Variants in KATNBL1 observed in about 807,000 individuals in gnomAD.
The protein encoded by KATNBL1 is KATNB1-like protein 1.
KATNBL1 carries 28 observed loss-of-function variants against 44.7 expected under a neutral mutation model. That is an observed-to-expected ratio of 0.63 (90% CI 0.46 to 0.86). The LOEUF (loss-of-function observed/expected upper bound fraction) is 0.86. KATNBL1 is among the 40% of genes least tolerant of loss of function. The pLI is 0.00. For synonymous variants in KATNBL1, 78 were observed against 114.9 expected, an observed-to-expected ratio of 0.68 and a Z score of 2.06; for missense variants, 272 against 350.7, an observed-to-expected ratio of 0.78 and a Z score of 1.79.
intron 2 of KATNBL1, among the ~76,000 whole-genome samples, chr15:34,160,225 C>T (rs1369549733): frequency 6.6e-6 from 1 of 152,172 alleles, no homozygotes; most frequent in African/African-American, 2.4e-5. Context: ...TTGTACCCTT[C>T]ATATTGCCTG....
At chr15:34,189,438 G>C (rs942617531) in intron 1 of KATNBL1, among the ~76,000 whole-genome samples, 5 of 152,194 alleles carry the variant, frequency 3.3e-5, no homozygotes, top group African/African-American at 1.2e-4. Context: ...AGTCTAATAA[G>C]TCTCTCTTGG....
rs1027694049 is a variant in KATNBL1 at position 34,172,204 on chromosome 15, C to T, written c.-14-8514G>A. On this transcript the variant is annotated intron_variant, in intron 1 of 9. Transcript: ENST00000256544. The stretch of plus-strand genomic sequence containing the variant: ...CCTCTTTCTCATTCCAGTAAAAAAA[C>T]GAGTTTTATTCTCTAGAAAACGTAA... Among the ~76,000 whole-genome samples, 35 of 148,706 alleles carry T rather than the reference C, an allele frequency of 2.4e-4. 1 individual carries two copies. The highest frequency in any genetic ancestry group is 4.3e-4 in the South Asian group (2 of 4,700).
intron 3 of KATNBL1, among the ~76,000 whole-genome samples, chr15:34,154,229 A>T (rs556843511): frequency 3.9e-4 from 59 of 152,348 alleles, no homozygotes; most frequent in African/African-American, 1.3e-3. Context: ...AGTAATTCTG[A>T]CTTCACAAAT....
At chr15:34,207,374 A>G (rs373985426) in intron 1 of KATNBL1, among the ~76,000 whole-genome samples, 1 of 151,874 alleles carries the variant, frequency 6.6e-6, no homozygotes, top group Non-Finnish European at 1.5e-5. Flanking sequence ...ACGCCCAGCT[A>G]ATTTTTTGTA....
At chr15:34,172,998 CA>C (rs1376116457) in intron 1 of KATNBL1, among the ~76,000 whole-genome samples, 1 of 150,998 alleles carries the variant, frequency 6.6e-6, no homozygotes, top group Non-Finnish European at 1.5e-5. Flanking sequence ...AAAAATGGGA[CA>C]AAAAACCCAA....
intron 9 of KATNBL1, chr15:34,142,600 C>G (rs1888181115): frequency 2.4e-6 from 1 of 423,816 alleles, no homozygotes; most frequent in Admixed American, 4.3e-5. Context: ...TGTGTTGGTT[C>G]CTATGCTCAA....
intron 2 of KATNBL1, among the ~76,000 whole-genome samples, chr15:34,155,609 C>T (rs972411941): frequency 5.3e-5 from 8 of 152,070 alleles, no homozygotes; most frequent in African/African-American, 1.4e-4. Context: ...TCATCAGGGG[C>T]GGTATTGTTT....
rs190927266 is a variant in KATNBL1, at chr15:34,157,499, G to C, written c.118-2815C>G. Among the ~76,000 whole-genome samples the C allele has an allele frequency of 4.0e-3, 606 of 152,318 alleles. 6 individuals are homozygous for C. Among genetic ancestry groups the C allele is most frequent in the African/African-American group, 0.014 (586 of 41,578 alleles). ...TCTAGGGGTGGTGCCTGTGCTAAAA[G>C]ACCTTTAGTTCTGAGGCAAGAGAAA... is the stretch of plus-strand genomic sequence containing the variant. On this transcript the variant is annotated intron_variant, in intron 2 of 9. Coordinates refer to ENST00000256544, the MANE Select transcript of KATNBL1 (RefSeq NM_024713.3).
rs369360650 is a variant in KATNBL1, at chr15:34,206,906, T to C, written c.-15+3045A>G. Among the ~76,000 whole-genome samples the C allele has an allele frequency of 6.6e-5, 10 of 152,304 alleles. No homozygotes were observed. The East Asian group carries it at 1.5e-3, about 23-fold the overall frequency. The stretch of plus-strand genomic sequence containing the variant: ...TAAGGTGTTTAATTAAAAAACATTA[T>C]ATTCCTAAATACATTTTCCAGAAAG... On this transcript the variant is annotated intron_variant, in intron 1 of 9. Coordinates refer to ENST00000256544, the MANE Select transcript of KATNBL1 (RefSeq NM_024713.3).
chr15:34,165,241 A>G (rs1025568895), intron 1 of KATNBL1, among the ~76,000 whole-genome samples: 1 of 152,176 alleles, frequency 6.6e-6, no homozygotes, highest in East Asian at 1.9e-4. Flanking sequence ...TGGAGCTTAC[A>G]TTGGGGGCGA....
intron 2 of KATNBL1, among the ~76,000 whole-genome samples, chr15:34,160,884 C>A (rs773605669): frequency 6.6e-5 from 10 of 152,136 alleles, no homozygotes; most frequent in East Asian, 1.9e-4. Flanking sequence ...CTCAATCCCC[C>A]CTACTGGAGA....
intron 2 of KATNBL1, among the ~76,000 whole-genome samples, chr15:34,156,693 A>T (rs899505616): frequency 6.6e-6 from 1 of 152,178 alleles, no homozygotes. Context: ...AAAGGATCTG[A>T]TAGGGTCTGC....
chr15:34,159,814 A>C (rs1487022068), intron 2 of KATNBL1, among the ~76,000 whole-genome samples: 1 of 152,158 alleles, frequency 6.6e-6, no homozygotes. Flanking sequence ...ATTTGATACT[A>C]GCTGATCAGT....
chr15:34,152,951 C>T lies in KATNBL1; in HGVS notation c.277G>A (p.Gly93Arg). The T allele has an allele frequency of 6.2e-7, 1 of 1,614,160 alleles. No homozygotes were observed. The highest frequency in any genetic ancestry group is 8.5e-7 in the Non-Finnish European group (1 of 1,180,010). ...CYRKKQSPGS[G>R]GCDMANKENE... is the part of the protein sequence containing the mutation. ...TCTTTATTTGCCATGTCACAGCCCCCACTTCCAGGGGACTGTTTTTTTCTG... is the reference window on the plus strand; with the variant it reads ...TCTTTATTTGCCATGTCACAGCCCCTACTTCCAGGGGACTGTTTTTTTCTG... The change falls in exon 4 of 10, where the codon GGG becomes AGG. Residue 93 changes from glycine (G) to arginine (R), a missense_variant. Physicochemically the swap from Gly to Arg is moderately radical, Grantham distance 125 (BLOSUM62 -2). Coordinates refer to ENST00000256544, the MANE Select transcript of KATNBL1 (RefSeq NM_024713.3).
rs181208645 is a variant in KATNBL1, at chr15:34,166,638, G to A, written c.-14-2948C>T. 5.3e-5 allele frequency among the ~76,000 whole-genome samples: 8 copies of A among 152,356 alleles called. 1 individual carries two copies. The East Asian group carries it at 1.5e-3, about 29-fold the overall frequency. On this transcript the variant is annotated intron_variant, in intron 1 of 9. Coordinates refer to ENST00000256544, the MANE Select transcript of KATNBL1 (RefSeq NM_024713.3). ...GAGAATGGACAGACTGCCTCCTCAA[G>A]TGGGTCCTTGACCCCTGTGTAGCCT... is the stretch of plus-strand genomic sequence containing the variant.
chr15:34,206,498 A>G (rs1214779957), intron 1 of KATNBL1, among the ~76,000 whole-genome samples: 1 of 152,232 alleles, frequency 6.6e-6, no homozygotes, highest in African/African-American at 2.4e-5. Context: ...CTGGCAAAGA[A>G]AAGTCAAATT....
At chr15:34,177,547 G>C (rs1455674384) in intron 1 of KATNBL1, among the ~76,000 whole-genome samples, 1 of 148,058 alleles carries the variant, frequency 6.8e-6, no homozygotes, top group East Asian at 2.0e-4. Context: ...GGGAGGCTGA[G>C]GCAGGAGAAT....
At chr15:34,148,465 G>A in intron 5 of KATNBL1, 167 bp downstream of exon 5, 1 of 512,762 alleles carries the variant, frequency 2.0e-6, no homozygotes. Flanking sequence ...ATGTGCACCT[G>A]TACTCTCAGC....
chr15:34,202,771 G>A (rs1203385912), intron 1 of KATNBL1, among the ~76,000 whole-genome samples: 1 of 152,042 alleles, frequency 6.6e-6, no homozygotes, highest in African/African-American at 2.4e-5. Context: ...TGGGCGGATT[G>A]CCTGAGGTCC....
Sources: gnomAD v4.1 joint callset for allele counts (sites outside exome capture counted in the v4.1 genomes callset) on GRCh38, gnomAD v4.1.1 for gene constraint, MANE v1.5 for transcripts, NCBI Gene and HGNC (gene_info 2026-07-23, HGNC 2026-07-21) for gene names.